NFIC: variants seen among roughly 807,000 people sequenced by gnomAD.
The protein encoded by NFIC is nuclear factor I C.
NFIC carries 12 observed loss-of-function variants against 54.4 expected under a neutral mutation model. That is an observed-to-expected ratio of 0.22 (90% CI 0.14 to 0.36). The LOEUF (loss-of-function observed/expected upper bound fraction) is 0.36. NFIC is among the 10% of genes least tolerant of loss of function. The pLI is 1.00. For synonymous variants in NFIC, 322 were observed against 319.2 expected (o/e 1.01, Z -0.09); for missense variants, 575 against 718.2 (o/e 0.80, Z 2.28).
At chr19:3,461,509 G>A (rs2082638604) in intron 10 of NFIC, among the ~76,000 whole-genome samples, 1 of 148,488 alleles carries the variant, frequency 6.7e-6, no homozygotes, top group Non-Finnish European at 1.5e-5. Context: ...GATCACTTGA[G>A]GCCAGGAATT....
intron 1 of NFIC, among the ~76,000 whole-genome samples, chr19:3,367,611 C>G (rs994329745): frequency 6.6e-6 from 1 of 152,228 alleles, no homozygotes; most frequent in Non-Finnish European, 1.5e-5. Flanking sequence ...CCTTCCAGCC[C>G]AGGCTCCCGG....
At chr19:3,373,204 C>T (rs905070367) in intron 1 of NFIC, among the ~76,000 whole-genome samples, 3 of 152,200 alleles carry the variant, frequency 2.0e-5, no homozygotes, top group South Asian at 2.1e-4. Flanking sequence ...GGCACAGCCT[C>T]GCTCCCTGCC....
intron 2 of NFIC, among the ~76,000 whole-genome samples, chr19:3,399,114 G>A (rs543648604): frequency 1.2e-4 from 19 of 152,346 alleles, no homozygotes; most frequent in Non-Finnish European, 2.2e-4. Flanking sequence ...CTTCTGCACA[G>A]TGGGGCAATG....
intron 2 of NFIC, among the ~76,000 whole-genome samples, chr19:3,398,687 A>G (rs1255204458): frequency 6.6e-6 from 1 of 152,180 alleles, no homozygotes; most frequent in Non-Finnish European, 1.5e-5. Context: ...CCCGTGCTCC[A>G]GGCCAGCCCC....
In NFIC at chr19:3,456,582, C is replaced by G. The variant is rs376511703; in HGVS notation, c.1456C>G (p.Arg486Gly). The G allele has an allele frequency of 1.1e-4, 166 of 1,550,678 alleles. No homozygotes were observed. The highest frequency in any genetic ancestry group is 8.4e-4 in the Middle Eastern group (5 of 5,982). Reference protein sequence around the residue: ...YSPPDTSPANRSFVGLGPRDP... With the variant: ...YSPPDTSPANGSFVGLGPRDP... ...TCCGCCCGACACGTCCCCTGCAAAC[C>G]GTTCCTTTGTGGGATTAGGACCAAG... is the stretch of plus-strand genomic sequence containing the variant. The change falls in exon 10 of 11, where the codon CGT becomes GGT. Residue 486 changes from arginine to glycine, a missense_variant. By Grantham distance (125) the Arg-to-Gly change is moderately radical. Transcript: ENST00000443272.
Position 3,452,517 on chromosome 19 carries a change from C to T in NFIC, c.1120C>T (p.His374Tyr). The T allele has an allele frequency of 6.2e-7, 1 of 1,613,154 alleles. No homozygotes were observed. The highest frequency in any genetic ancestry group is 8.5e-7 in the Non-Finnish European group (1 of 1,180,024). ...GAGCCCACACCCGTCCTCCGCTCTG[C>T]ATTTCCCTACGACGTCCATCCTACC... ...ARSPHPSSAL[H>Y]FPTTSILPQT... Residue 374 changes from histidine to tyrosine, a missense_variant, in exon 8 of 11, where the codon CAT (histidine) becomes TAT (tyrosine). Around this residue, in one of 3 missense-constraint regions of NFIC, gnomAD observed 447 missense variants for 526.9 expected, o/e 0.85. Coordinates refer to ENST00000443272, the MANE Select transcript of NFIC (RefSeq NM_001245002.2). The surrounding 1 kb of genome is among the most constrained non-coding windows in gnomAD (Gnocchi z 5.3).
At chr19:3,373,158 A>G (rs1294907097) in intron 1 of NFIC, among the ~76,000 whole-genome samples, 1 of 152,084 alleles carries the variant, frequency 6.6e-6, no homozygotes, top group Non-Finnish European at 1.5e-5. Context: ...ATTTCGTAGT[A>G]GACGTGATAG....
chr19:3,370,696 G>GTC lies in NFIC; in HGVS notation c.30+4034_30+4035dup, dbSNP rs56081730. ...CTGTTCCTCTTCTTTCTCTCTGTCTGTCTCTTTCTTTCTCCCTCCCTTCCT... is the reference window on the plus strand; with the variant it reads ...CTGTTCCTCTTCTTTCTCTCTGTCTGTCTCTCTTTCTTTCTCCCTCCCTTCCT... On this transcript the variant is annotated intron_variant, in intron 1 of 10. Transcript: ENST00000443272. The surrounding 1 kb of genome is among the most constrained non-coding windows in gnomAD (Gnocchi z 5.2). Among the ~76,000 whole-genome samples the GTC allele has an allele frequency of 1.3e-5, 2 of 150,194 alleles. No homozygotes were observed. The highest frequency in any genetic ancestry group is 4.9e-5 in the African/African-American group (2 of 40,586).
At chr19:3,363,247 A>G (rs59143512), upstream of NFIC, among the ~76,000 whole-genome samples, 9,986 of 42,612 alleles carry the variant, frequency 0.23, 1,126 homozygotes, top group African/African-American at 0.28. Flanking sequence ...GTGTGTATAT[A>G]TATATATATA....
intron 2 of NFIC, among the ~76,000 whole-genome samples, chr19:3,395,867 A>G (rs375852799): frequency 6.6e-6 from 1 of 151,936 alleles, no homozygotes; most frequent in African/African-American, 2.4e-5. Flanking sequence ...TTTAGTAGAG[A>G]TGGGATTTCT....
rs759556630 is a variant in NFIC, at chr19:3,452,541, C to T, written c.1144C>T (p.Pro382Ser). 8.1e-6 allele frequency: 13 copies of T among 1,613,566 alleles called. No homozygotes were observed. The highest frequency in any genetic ancestry group is 6.7e-5 in the African/African-American group (5 of 74,908). The change falls in exon 8 of 11, where the codon CCC becomes TCC. Residue 382 changes from proline to serine, a missense_variant. Pro to Ser is a moderately conservative substitution (Grantham distance 74). This residue lies in a region of NFIC where 447 missense variants were observed against 526.9 expected (regional missense o/e 0.85). Coordinates refer to ENST00000443272, the MANE Select transcript of NFIC (RefSeq NM_001245002.2). The surrounding 1 kb of genome is among the most constrained non-coding windows in gnomAD (Gnocchi z 5.3). The stretch of plus-strand genomic sequence containing the variant: ...GCATTTCCCTACGACGTCCATCCTA[C>T]CCCAGACGGCCTCCACCTACTTCCC... ...ALHFPTTSIL[P>S]QTASTYFPHT... is the part of the protein sequence containing the mutation.
rs1270455343 is a variant in NFIC, at chr19:3,467,512, G to A, written c.*4743G>A. Reference sequence around the variant, plus strand: ...GACTCGGTTGGGAGAGCCGCTTAGGGGCCAGACCTGGGTCCCCCTGCAGGT... The same window carrying A: ...GACTCGGTTGGGAGAGCCGCTTAGGAGCCAGACCTGGGTCCCCCTGCAGGT... On this transcript the variant is annotated 3_prime_UTR_variant, in exon 11 of 11. Transcript: ENST00000443272. 2 of 151,296 alleles carry A rather than the reference G, an allele frequency of 1.3e-5. No homozygotes were observed. Among genetic ancestry groups the A allele is most frequent in the African/African-American group, 4.9e-5 (2 of 41,016 alleles). 9.4% of individuals were successfully genotyped at this position (151,296 alleles called of 1,614,324 possible).
Position 3,463,159 on chromosome 19 carries a change from C to T in NFIC, c.*390C>T, listed in dbSNP as rs1468096421. 3 of 1,074,010 alleles carry T rather than the reference C, an allele frequency of 2.8e-6. No homozygotes were observed. Among genetic ancestry groups the T allele is most frequent in the East Asian group, 8.4e-5 (1 of 11,920 alleles). 66.5% of individuals were successfully genotyped at this position (1,074,010 alleles called of 1,614,324 possible). A position where few individuals can be genotyped will look rare whatever the true frequency, so the allele number is the denominator to read the frequency against. ...CTGCTCGGGAAGGACAGACGCCGGC[C>T]GCCCGCCCGCGCCCCGGAGGCCCTG... is the stretch of plus-strand genomic sequence containing the variant. On this transcript the variant is annotated 3_prime_UTR_variant, in exon 11 of 11. Coordinates refer to ENST00000443272, the MANE Select transcript of NFIC (RefSeq NM_001245002.2).
In NFIC at chr19:3,452,379, T is replaced by C; in HGVS notation, c.1085-103T>C. On this transcript the variant is annotated intron_variant, in intron 7 of 10. Coordinates refer to ENST00000443272, the MANE Select transcript of NFIC (RefSeq NM_001245002.2). The surrounding 1 kb of genome is among the most constrained non-coding windows in gnomAD (Gnocchi z 5.3). ...TGGTGGTTATTGTTACTAAACGCAC[T>C]GAGATGCCGGCAGGAATGACACCCA... 1 of 1,451,564 alleles carries C rather than the reference T, an allele frequency of 6.9e-7. No homozygotes were observed. Among genetic ancestry groups the C allele is most frequent in the Admixed American group, 1.8e-5 (1 of 54,332 alleles). The allele number at this position is 1,451,564 out of a possible 1,614,324, so 89.9% of individuals were successfully genotyped here. A position where few individuals can be genotyped will look rare whatever the true frequency, so the allele number is the denominator to read the frequency against.
chr19:3,461,258 A>G (rs2082634367), intron 10 of NFIC, among the ~76,000 whole-genome samples: 1 of 131,872 alleles, frequency 7.6e-6, no homozygotes, highest in South Asian at 2.3e-4. Flanking sequence ...CCACCTCTAC[A>G]AAAAAAAAAA....
chr19:3,384,073 G>T (rs1340709529), intron 2 of NFIC, among the ~76,000 whole-genome samples: 2 of 148,184 alleles, frequency 1.3e-5, no homozygotes, highest in Admixed American at 6.7e-5. Flanking sequence ...TTTTTTCCTG[G>T]AGACAGGGTC....
intron 6 of NFIC, among the ~76,000 whole-genome samples, chr19:3,443,251 G>A (rs2145656835): frequency 6.6e-6 from 1 of 152,034 alleles, no homozygotes; most frequent in African/African-American, 2.4e-5. Flanking sequence ...GGGAAACCCT[G>A]TCTCTACAAA....
At position 3,453,777 on chromosome 19, in the gene NFIC, T is replaced by C. The variant is rs746617729; in HGVS notation, c.1284T>C (p.Gly428=). ...TGTTCCCCCAGTTAAATGGAAGTGG[T>C]CAGCTCAAAATGCCCAGCCACTGCC... ...SQQPGPLNGS[G]QLKMPSHCLS... Residue 428 remains glycine (G), a synonymous_variant, in exon 9 of 11, where the codon GGT becomes GGC. Transcript: ENST00000443272. The surrounding 1 kb of genome is among the most constrained non-coding windows in gnomAD (Gnocchi z 6.7). 6 of 1,603,400 alleles carry C rather than the reference T, an allele frequency of 3.7e-6. No individual in the cohort carries two copies. The South Asian group carries it at 6.7e-5, about 18-fold the overall frequency.
chr19:3,460,674 T>C (rs147624775), intron 10 of NFIC, among the ~76,000 whole-genome samples: 12,883 of 151,930 alleles, frequency 0.085, 1,131 homozygotes, highest in African/African-American at 0.23. Context: ...CCACCACGCC[T>C]GGCTAATTTT....
Sources: allele counts gnomAD v4.1 joint callset (sites outside exome capture counted in the v4.1 genomes callset), GRCh38; gene constraint gnomAD v4.1.1; regional missense constraint gnomAD v4.1.1; non-coding constraint Gnocchi (gnomAD v3.1); transcripts MANE v1.5; gene names NCBI Gene and HGNC (gene_info 2026-07-23, HGNC 2026-07-21).